ASTN1: variants seen among roughly 807,000 people sequenced by gnomAD.
The protein encoded by ASTN1 is astrotactin-1.
A neutral mutation model predicts 140.7 loss-of-function variants in ASTN1; 41 were observed. The observed-to-expected ratio is 0.29, with a 90% CI of 0.23 to 0.38. ASTN1 has a LOEUF of 0.38. ASTN1 is among the 10% of genes least tolerant of loss of function. The pLI is 1.00. For missense variants in ASTN1, 1,479 were observed against 1,678.8 expected (o/e 0.88, Z 2.08); for synonymous variants, 640 against 652.2 (o/e 0.98, Z 0.29).
intron 1 of ASTN1, among the ~76,000 whole-genome samples, chr1:177,158,249 T>A (rs1369835698): frequency 2.0e-5 from 3 of 152,236 alleles, no homozygotes; most frequent in South Asian, 2.1e-4. Flanking sequence ...TTGGGTTTTT[T>A]ATTAAAATTT....
chr1:176,983,090 G>T (rs1286863677), intron 8 of ASTN1, among the ~76,000 whole-genome samples: 3 of 152,134 alleles, frequency 2.0e-5, no homozygotes, highest in Non-Finnish European at 4.4e-5. Context: ...GAAATTCAAT[G>T]ATCAAAGAGG....
chr1:177,045,691 C>T (rs1677181745), intron 2 of ASTN1, among the ~76,000 whole-genome samples: 1 of 152,210 alleles, frequency 6.6e-6, no homozygotes, highest in South Asian at 2.1e-4. Flanking sequence ...CTTTTGGTGT[C>T]TTTAGCCAGC....
At chr1:177,097,774 A>G (rs1169741729) in intron 1 of ASTN1, among the ~76,000 whole-genome samples, 1 of 152,100 alleles carries the variant, frequency 6.6e-6, no homozygotes, top group African/African-American at 2.4e-5. Context: ...TTCAGTGAGA[A>G]AAAAAGGGCT....
At chr1:177,134,399 C>T (rs1215950439) in intron 1 of ASTN1, among the ~76,000 whole-genome samples, 1 of 152,180 alleles carries the variant, frequency 6.6e-6, no homozygotes, top group African/African-American at 2.4e-5. Context: ...CCCCTGGAGT[C>T]CTGCCTAATG....
At chr1:176,899,927 C>T (rs1669693293) in intron 16 of ASTN1, among the ~76,000 whole-genome samples, 1 of 152,168 alleles carries the variant, frequency 6.6e-6, no homozygotes. Flanking sequence ...ATAAACTGAC[C>T]ATCTTTTTCT....
intron 8 of ASTN1, among the ~76,000 whole-genome samples, chr1:177,011,645 T>TCACA (rs141786335): frequency 7.0e-6 from 1 of 143,838 alleles, no homozygotes; most frequent in Non-Finnish European, 1.5e-5. Context: ...CAGGCACCAC[T>TCACA]CACACACACA....
Position 177,111,850 on chromosome 1 carries a change from C to T in ASTN1, c.284-50585G>A, listed in dbSNP as rs568561014. Among the ~76,000 whole-genome samples the T allele has an allele frequency of 5.5e-4, 84 of 152,262 alleles. 2 individuals carry two copies. Among genetic ancestry groups the T allele is most frequent in the Middle Eastern group, 3.4e-3 (1 of 294 alleles). On this transcript the variant is annotated intron_variant, in intron 1 of 22. Coordinates refer to ENST00000361833, the MANE Select transcript of ASTN1 (RefSeq NM_004319.3). ...GTATGTCTCCTCTGATCTTAAGAGT[C>T]GGTAGCAGCCCTTACAATGACCGTG...
intron 1 of ASTN1, among the ~76,000 whole-genome samples, chr1:177,072,648 C>T (rs1678698689): frequency 6.6e-6 from 1 of 152,202 alleles, no homozygotes; most frequent in Non-Finnish European, 1.5e-5. Flanking sequence ...TCTGTATTTT[C>T]TATCTTAATT....
intron 21 of ASTN1, among the ~76,000 whole-genome samples, chr1:176,869,243 T>A (rs1668245197): frequency 6.6e-6 from 1 of 152,108 alleles, no homozygotes; most frequent in Non-Finnish European, 1.5e-5. Flanking sequence ...TATATGCATG[T>A]TTACTTATGT....
At chr1:177,099,516 C>A (rs1165648793) in intron 1 of ASTN1, among the ~76,000 whole-genome samples, 1 of 152,004 alleles carries the variant, frequency 6.6e-6, no homozygotes. Context: ...TAACCTATTT[C>A]TTATCATAAG....
chr1:177,098,735 T>C (rs1456109449), intron 1 of ASTN1, among the ~76,000 whole-genome samples: 1 of 152,156 alleles, frequency 6.6e-6, no homozygotes, highest in Non-Finnish European at 1.5e-5. Flanking sequence ...GATAAACTAA[T>C]CCCCATTCCT....
At chr1:177,055,117 A>T (rs1433178101) in intron 2 of ASTN1, among the ~76,000 whole-genome samples, 1 of 152,216 alleles carries the variant, frequency 6.6e-6, no homozygotes, top group Non-Finnish European at 1.5e-5. Context: ...TTTATAGGTG[A>T]GATAATGAAG....
At chr1:176,935,930 T>A (rs1165654810) in intron 15 of ASTN1, 2 of 368,418 alleles carry the variant, frequency 5.4e-6, no homozygotes, top group Non-Finnish European at 1.0e-5. Context: ...GCATTTGGAA[T>A]GCTTAATTCT....
In ASTN1 at chr1:176,888,064, A is replaced by T. The variant is rs1348930312; in HGVS notation, c.3074+7T>A. The T allele has an allele frequency of 3.7e-6, 6 of 1,614,066 alleles. No homozygotes were observed. Among genetic ancestry groups the T allele is most frequent in the Middle Eastern group, 3.3e-4 (2 of 6,056 alleles). ...AGTAATGCTGAAAGAGAGAAAGAGA[A>T]CCATACACAGGCTGTGGGAGAGGCG... On this transcript the variant is annotated splice_region_variant and intron_variant, in intron 18 of 22. Transcript: ENST00000361833.
At chr1:176,875,432 T>A (rs1422233019) in intron 21 of ASTN1, among the ~76,000 whole-genome samples, 1 of 152,194 alleles carries the variant, frequency 6.6e-6, no homozygotes, top group Non-Finnish European at 1.5e-5. Context: ...CTTGATATGA[T>A]CAGGTGTCTG....
At position 176,981,244 on chromosome 1, in the gene ASTN1, A is replaced by AAGC. The variant is rs1195866651; in HGVS notation, c.1524-16010_1524-16008dup. ...AAAAAAAAAAAAAAAAAAAAAAAGG[A>AAGC]AGCACAAAGGAAATGAAGTCAAATA... is the stretch of plus-strand genomic sequence containing the variant. On this transcript the variant is annotated intron_variant, in intron 8 of 22. Transcript: ENST00000361833. 4.1e-5 allele frequency among the ~76,000 whole-genome samples: 6 copies of AAGC among 145,366 alleles called. No individual in the cohort carries two copies. In the East Asian group the frequency reaches 1.0e-3, roughly 25 times the overall value.
chr1:177,108,341 C>T (rs1031806679), intron 1 of ASTN1, among the ~76,000 whole-genome samples: 3 of 123,030 alleles, frequency 2.4e-5, no homozygotes, highest in African/African-American at 8.7e-5. Flanking sequence ...GAGCAAGACT[C>T]CGTCTCAAAA....
At chr1:176,939,783 C>A (rs1671635188) in intron 14 of ASTN1, among the ~76,000 whole-genome samples, 1 of 121,342 alleles carries the variant, frequency 8.2e-6, no homozygotes, top group African/African-American at 3.2e-5. Flanking sequence ...ATATTCAAAG[C>A]AAGAAAAAGA....
chr1:176,966,490 A>T (rs1571579432), intron 8 of ASTN1, among the ~76,000 whole-genome samples: 1 of 152,204 alleles, frequency 6.6e-6, no homozygotes, highest in South Asian at 2.1e-4. Context: ...AAGTTTTGAA[A>T]ACCTGCTTCT....
Sources: gnomAD v4.1 joint callset for allele counts (sites outside exome capture counted in the v4.1 genomes callset) on GRCh38, gnomAD v4.1.1 for gene constraint, MANE v1.5 for transcripts, NCBI Gene and HGNC (gene_info 2026-07-23, HGNC 2026-07-21) for gene names.